The following VPS13B variants were observed in gnomAD, a reference collection of about 807,000 sequenced individuals.
The protein encoded by VPS13B is intermembrane lipid transfer protein VPS13B.
A neutral mutation model predicts 426.4 loss-of-function variants in VPS13B; 285 were observed. The ratio of observed to expected loss-of-function variants is 0.67; its 90% CI spans 0.61 to 0.74. The LOEUF (loss-of-function observed/expected upper bound fraction) is 0.74, where lower values mean the gene tolerates loss of function less well. Ranked by LOEUF, VPS13B falls within the 30% of genes least tolerant of loss-of-function variation. VPS13B has a pLI of 0.00. For synonymous variants in VPS13B, 1,676 were observed against 1,676.4 expected, an observed-to-expected ratio of 1.00 and a Z score of 0.01; for missense variants, 4,537 against 4,782.6, an observed-to-expected ratio of 0.95 and a Z score of 1.51.
At chr8:99,137,780 A>G (rs923357544) in intron 12 of VPS13B, among the ~76,000 whole-genome samples, 4 of 152,248 alleles carry the variant, frequency 2.6e-5, no homozygotes, top group African/African-American at 4.8e-5. Context: ...TTGATACTCA[A>G]ATTTGCATTT....
At chr8:99,698,130 G>A in intron 35 of VPS13B, 1 of 253,512 alleles carries the variant, frequency 3.9e-6, no homozygotes, top group Non-Finnish European at 8.0e-6. Flanking sequence ...TGGCTGGAAT[G>A]AATCAGAGAC....
chr8:99,391,553 C>G lies in VPS13B; in HGVS notation c.2935-4C>G. 6.2e-7 allele frequency: 1 copy of G among 1,614,166 alleles called. No individual in the cohort carries two copies. The highest frequency in any genetic ancestry group is 8.5e-7 in the Non-Finnish European group (1 of 1,180,018). ...AAAAAGGTTTTCATTTTGTCTCTTT[C>G]CAGCAGCCTGTGGTAGCTGTTCCTC... On this transcript the variant is annotated splice_region_variant and splice_polypyrimidine_tract_variant and intron_variant, in intron 20 of 61. Transcript: ENST00000357162.
At chr8:99,028,395 C>T (rs1326784916) in intron 2 of VPS13B, among the ~76,000 whole-genome samples, 1 of 120,112 alleles carries the variant, frequency 8.3e-6, no homozygotes, top group Admixed American at 7.8e-5. Flanking sequence ...GGGGGGCTGA[C>T]CCCCCCCACC....
chr8:99,411,921 G>A (rs1238510636), intron 21 of VPS13B, among the ~76,000 whole-genome samples: 1 of 152,024 alleles, frequency 6.6e-6, no homozygotes, highest in East Asian at 1.9e-4. Context: ...ATCAGTTTTG[G>A]TACCAGCACC....
chr8:99,245,766 AC>A (rs1243901163), intron 17 of VPS13B, among the ~76,000 whole-genome samples: 1 of 151,842 alleles, frequency 6.6e-6, no homozygotes, highest in African/African-American at 2.4e-5. Context: ...CTGGCCTCAA[AC>A]TCCTGGCCTC....
intron 34 of VPS13B, among the ~76,000 whole-genome samples, chr8:99,654,698 C>T (rs1351936439): frequency 5.9e-5 from 9 of 152,136 alleles, no homozygotes; most frequent in Admixed American, 3.9e-4. Context: ...TGCTTGGGAG[C>T]TTTAATAACA....
At chr8:99,733,683 G>GA (rs1221213152) in intron 39 of VPS13B, among the ~76,000 whole-genome samples, 7 of 151,622 alleles carry the variant, frequency 4.6e-5, no homozygotes, top group Admixed American at 6.6e-5. Context: ...AAAGATATTG[G>GA]AAAAAAAATT....
chr8:99,768,280 T>C (rs1811327060), intron 40 of VPS13B, among the ~76,000 whole-genome samples: 2 of 152,144 alleles, frequency 1.3e-5, no homozygotes, highest in Non-Finnish European at 2.9e-5. Flanking sequence ...GAAACAACAT[T>C]CTGACAGTAA....
chr8:99,446,879 A>G (rs928611537), intron 23 of VPS13B, among the ~76,000 whole-genome samples: 1 of 152,178 alleles, frequency 6.6e-6, no homozygotes, highest in Non-Finnish European at 1.5e-5. Flanking sequence ...AAAACCGCAA[A>G]TTAGTTTTCC....
Position 99,875,887 on chromosome 8 carries a change from T to A in VPS13B, c.*221T>A. On this transcript the variant is annotated 3_prime_UTR_variant, in exon 62 of 62. Coordinates refer to ENST00000357162, the MANE Select transcript of VPS13B (RefSeq NM_152564.5). ...TTTTTTTAAAAAGCCTAGGCAGCTC[T>A]AACATCATCTGATATGGACACAAGG... 1 of 586,754 alleles carries A rather than the reference T, an allele frequency of 1.7e-6. No homozygotes were observed. The highest frequency in any genetic ancestry group is 3.0e-6 in the Non-Finnish European group (1 of 332,440). The allele number at this position is 586,754 out of a possible 1,614,324, so 36.3% of individuals were successfully genotyped here. A position where few individuals can be genotyped will look rare whatever the true frequency, so the allele number is the denominator to read the frequency against.
At chr8:99,441,310 A>G (rs913465389) in intron 22 of VPS13B, among the ~76,000 whole-genome samples, 6 of 152,112 alleles carry the variant, frequency 3.9e-5, no homozygotes, top group African/African-American at 7.2e-5. Context: ...AAATATAATC[A>G]TGTTCTCACC....
intron 21 of VPS13B, among the ~76,000 whole-genome samples, chr8:99,429,829 A>G (rs1453725267): frequency 1.3e-5 from 2 of 152,180 alleles, no homozygotes; most frequent in Admixed American, 6.6e-5. Context: ...TGTCATGACT[A>G]TATTCAGAAT....
chr8:99,296,543 C>T (rs778909946), intron 19 of VPS13B, among the ~76,000 whole-genome samples: 1 of 152,064 alleles, frequency 6.6e-6, no homozygotes, highest in African/African-American at 2.4e-5. Context: ...ACTCTAAAAA[C>T]AAGCAAAACC....
rs1161356867 is a variant in VPS13B at position 99,641,454 on chromosome 8, A to G, written c.5221-357A>G. Reference sequence around the variant, plus strand: ...CATGATTTTGCAGACAGTTTATTATATTGCTTGAGAAATCACTATAAAAGT... The same window carrying G: ...CATGATTTTGCAGACAGTTTATTATGTTGCTTGAGAAATCACTATAAAAGT... On this transcript the variant is annotated intron_variant, in intron 33 of 61. Transcript: ENST00000357162. Among the ~76,000 whole-genome samples, 3 of 152,206 alleles carry G rather than the reference A, an allele frequency of 2.0e-5. No homozygotes were observed. In the East Asian group the frequency reaches 5.8e-4, roughly 29 times the overall value.
At chr8:99,771,059 T>C (rs908072550) in intron 40 of VPS13B, among the ~76,000 whole-genome samples, 1 of 152,190 alleles carries the variant, frequency 6.6e-6, no homozygotes, top group East Asian at 1.9e-4. Context: ...CCCTCTTACC[T>C]TCACCCCTAG....
At position 99,812,499 on chromosome 8, in the gene VPS13B, C is replaced by G. The variant is rs560601147; in HGVS notation, c.8097+2969C>G. The stretch of plus-strand genomic sequence containing the variant: ...TATGCAGATCCCTGATGCACCTTAA[C>G]ACCCCCTGGATAATGGAGAATTGGC... On this transcript the variant is annotated intron_variant, in intron 44 of 61. Coordinates refer to ENST00000357162, the MANE Select transcript of VPS13B (RefSeq NM_152564.5). Among the ~76,000 whole-genome samples the G allele has an allele frequency of 5.9e-5, 9 of 152,302 alleles. No individual in the cohort carries two copies. The East Asian group carries it at 1.5e-3, about 26-fold the overall frequency.
chr8:99,675,408 TGTA>T (rs1400854713), intron 35 of VPS13B, among the ~76,000 whole-genome samples: 1 of 152,308 alleles, frequency 6.6e-6, no homozygotes, highest in East Asian at 1.9e-4. Flanking sequence ...ATAGTTTGAT[TGTA>T]ATATGTCTTT....
Position 99,819,929 on chromosome 8 carries a change from A to G in VPS13B, c.8801A>G (p.Gln2934Arg), listed in dbSNP as rs1290562517. ...TGTGGTTTTTGGAACAGGAATGAAC[A>G]GCTAAGTCAGTGGGATAGCCCAATG... ...YNKKDSDRNEQLSQWDSPMRV... is the reference protein window; with the variant it reads ...YNKKDSDRNERLSQWDSPMRV... The change falls in exon 49 of 62, where the codon CAG (glutamine) becomes CGG (arginine). Residue 2934 changes from glutamine (Q) to arginine (R), a missense_variant. By Grantham distance (43) the Gln-to-Arg change is conservative. Transcript: ENST00000357162. 3 of 1,613,854 alleles carry G rather than the reference A, an allele frequency of 1.9e-6. No homozygotes were observed. The highest frequency in any genetic ancestry group is 1.1e-5 in the South Asian group (1 of 91,078).
chr8:99,717,760 G>A (rs570489437), intron 37 of VPS13B, among the ~76,000 whole-genome samples: 2 of 151,974 alleles, frequency 1.3e-5, no homozygotes, highest in Admixed American at 6.6e-5. Context: ...TTAACATTTC[G>A]TATAAATAGA....
Sources: allele counts gnomAD v4.1 joint callset (sites outside exome capture counted in the v4.1 genomes callset), GRCh38; gene constraint gnomAD v4.1.1; transcripts MANE v1.5; gene names NCBI Gene and HGNC (gene_info 2026-07-23, HGNC 2026-07-21).